The following ULK4 variants were observed in gnomAD, a reference collection of about 807,000 sequenced individuals.
The protein encoded by ULK4 is unc-51 like kinase 4.
In ULK4, 133 loss-of-function variants were observed where a neutral mutation model predicts 160.6. The ratio of observed to expected loss-of-function variants is 0.83; its 90% CI spans 0.72 to 0.96. ULK4 has a LOEUF of 0.96. Ranked by LOEUF, ULK4 falls within the 40% of genes least tolerant of loss-of-function variation. The pLI is 0.00. For synonymous variants in ULK4, 534 were observed against 539.8 expected (o/e 0.99, Z 0.15); for missense variants, 1,580 against 1,499.5 (o/e 1.05, Z -0.89).
chr3:41,375,486 A>G (rs1442626071), intron 35 of ULK4, among the ~76,000 whole-genome samples: 4 of 150,072 alleles, frequency 2.7e-5, no homozygotes, highest in Non-Finnish European at 5.9e-5. Flanking sequence ...TGTGTCTACA[A>G]CCATCTGATC....
chr3:41,859,453 C>A, intron 17 of ULK4: 1 of 555,240 alleles, frequency 1.8e-6, no homozygotes. Context: ...AAAGAGATAG[C>A]AGAAACCTGG....
At chr3:41,655,752 A>C (rs2034915792) in intron 30 of ULK4, among the ~76,000 whole-genome samples, 1 of 152,192 alleles carries the variant, frequency 6.6e-6, no homozygotes, top group Non-Finnish European at 1.5e-5. Flanking sequence ...ATCAAAGGAA[A>C]TATTTTAGCT....
At chr3:41,705,362 ATAGG>A (rs1265225159) in intron 25 of ULK4, 57 bp from the exon 26 acceptor site, 3 of 1,400,106 alleles carry the variant, frequency 2.1e-6, no homozygotes, top group African/African-American at 1.5e-5. Flanking sequence ...GAAATAAAAT[ATAGG>A]TAGTTTACAT....
At chr3:41,428,697 T>A (rs1313305343) in intron 34 of ULK4, among the ~76,000 whole-genome samples, 1 of 152,190 alleles carries the variant, frequency 6.6e-6, no homozygotes, top group Non-Finnish European at 1.5e-5. Flanking sequence ...TAAGTGGTGC[T>A]GGGAAAACTG....
chr3:41,660,891 G>C (rs566121884), intron 30 of ULK4, among the ~76,000 whole-genome samples: 2 of 152,248 alleles, frequency 1.3e-5, no homozygotes, highest in Admixed American at 1.3e-4. Context: ...TCAACAAAAT[G>C]ATTTAGATAT....
intron 35 of ULK4, among the ~76,000 whole-genome samples, chr3:41,265,564 A>G (rs947273679): frequency 3.3e-5 from 5 of 152,226 alleles, no homozygotes; most frequent in African/African-American, 1.2e-4. Context: ...TCAGGCACCA[A>G]TTAATCAAAA....
Position 41,691,943 on chromosome 3 carries a change from C to CTTT in ULK4, c.2782-10142_2782-10140dup, listed in dbSNP as rs751734628. Among the ~76,000 whole-genome samples the CTTT allele has an allele frequency of 3.1e-3, 298 of 96,346 alleles. 37 individuals carry two copies. The highest frequency in any genetic ancestry group is 0.027 in the East Asian group (90 of 3,350). 63.2% of individuals were successfully genotyped at this position (96,346 alleles called of 152,430 possible). On this transcript the variant is annotated intron_variant, in intron 27 of 36. Transcript: ENST00000301831. ...AAAAATTATCTTCATCAAATCACTT[C>CTTT]TTTTTTTTTTTTTTTTTTTTTTTTT... is the stretch of plus-strand genomic sequence containing the variant.
At chr3:41,888,467 C>T (rs1028532812) in intron 16 of ULK4, among the ~76,000 whole-genome samples, 23 of 152,158 alleles carry the variant, frequency 1.5e-4, no homozygotes, top group African/African-American at 5.6e-4. Context: ...GGTAGACAGA[C>T]GTTCCCAAGG....
At chr3:41,642,616 T>C (rs2034269683) in intron 30 of ULK4, among the ~76,000 whole-genome samples, 2 of 152,232 alleles carry the variant, frequency 1.3e-5, no homozygotes, top group South Asian at 2.1e-4. Flanking sequence ...CAGTTCTAAG[T>C]CTTCGCTATT....
At chr3:41,447,693 C>T (rs1014634156) in intron 34 of ULK4, among the ~76,000 whole-genome samples, 6 of 152,114 alleles carry the variant, frequency 3.9e-5, no homozygotes, top group Admixed American at 3.3e-4. Context: ...TCCTAGGGCT[C>T]GGTTTTTATG....
At chr3:41,691,443 T>C (rs1449065425) in intron 27 of ULK4, among the ~76,000 whole-genome samples, 2 of 151,750 alleles carry the variant, frequency 1.3e-5, no homozygotes, top group Non-Finnish European at 2.9e-5. Flanking sequence ...TTAAATAAAC[T>C]TTCACTCCTG....
chr3:41,302,656 A>G (rs1283416827), intron 35 of ULK4, among the ~76,000 whole-genome samples: 1 of 152,168 alleles, frequency 6.6e-6, no homozygotes, highest in Non-Finnish European at 1.5e-5. Context: ...CTTCCCAATT[A>G]CTCCAAAAAG....
At chr3:41,481,980 T>C (rs1249370760) in intron 32 of ULK4, among the ~76,000 whole-genome samples, 4 of 152,198 alleles carry the variant, frequency 2.6e-5, no homozygotes, top group Non-Finnish European at 5.9e-5. Flanking sequence ...GTTGTTGTGC[T>C]ATATATAAAC....
At chr3:41,267,096 A>G (rs1281245375) in intron 35 of ULK4, among the ~76,000 whole-genome samples, 1 of 141,592 alleles carries the variant, frequency 7.1e-6, no homozygotes, top group Non-Finnish European at 1.5e-5. Flanking sequence ...CAGGTTGGTT[A>G]CATAGGTATA....
intron 32 of ULK4, among the ~76,000 whole-genome samples, chr3:41,464,330 C>A (rs532992357): frequency 6.6e-6 from 1 of 152,050 alleles, no homozygotes; most frequent in Non-Finnish European, 1.5e-5. Context: ...GAATGACAGA[C>A]GCATCAAAGT....
chr3:41,806,190 A>G (rs1317295724), intron 19 of ULK4, among the ~76,000 whole-genome samples: 1 of 148,310 alleles, frequency 6.7e-6, no homozygotes, highest in Non-Finnish European at 1.5e-5. Flanking sequence ...CAGAGATTCA[A>G]CTTCTTCCTG....
At chr3:41,306,673 A>T (rs1277459453) in intron 35 of ULK4, among the ~76,000 whole-genome samples, 4 of 152,122 alleles carry the variant, frequency 2.6e-5, no homozygotes, top group Admixed American at 1.3e-4. Context: ...AGAACGGGCC[A>T]TGATGACAAT....
intron 17 of ULK4, among the ~76,000 whole-genome samples, chr3:41,871,910 A>T (rs769858140): frequency 4.6e-5 from 7 of 152,136 alleles, no homozygotes; most frequent in Non-Finnish European, 1.0e-4. Context: ...TCTTTATCTA[A>T]GTCAGGGTCA....
At chr3:41,589,820 G>C (rs944293244) in intron 31 of ULK4, among the ~76,000 whole-genome samples, 3 of 151,934 alleles carry the variant, frequency 2.0e-5, no homozygotes, top group Middle Eastern at 6.3e-3. Flanking sequence ...AAGAAGAAAT[G>C]CAAGAATGGG....
Sources: allele counts gnomAD v4.1 joint callset (sites outside exome capture counted in the v4.1 genomes callset), GRCh38; gene constraint gnomAD v4.1.1; transcripts MANE v1.5; gene names NCBI Gene and HGNC (gene_info 2026-07-23, HGNC 2026-07-21).